The following CNTN5 variants were observed in gnomAD, a reference collection of about 807,000 sequenced individuals.
CNTN5 encodes the protein contactin-5.
A neutral mutation model predicts 129.1 loss-of-function variants in CNTN5; 77 were observed. The ratio of observed to expected loss-of-function variants is 0.60; its 90% confidence interval spans 0.50 to 0.72. The LOEUF is 0.72. Ranked by LOEUF, CNTN5 falls within the 30% of genes least tolerant of loss-of-function variation. The probability of loss-of-function intolerance (pLI) is 0.00; values close to 1 mark genes in which losing one functional copy is unlikely to be tolerated. For missense variants in CNTN5, 1,478 were observed against 1,328.8 expected, an observed-to-expected ratio of 1.11 and a Z score of -1.75; for synonymous variants, 509 against 465.6, an observed-to-expected ratio of 1.09 and a Z score of -1.20.
Position 99,429,947 on chromosome 11 carries a change from T to C in CNTN5, c.-71+104463T>C, listed in dbSNP as rs550670569. On this transcript the variant is annotated intron_variant, in intron 2 of 24. Coordinates refer to ENST00000524871, the MANE Select transcript of CNTN5 (RefSeq NM_014361.4). ...CAGACCATGGTAAAAAAAAAAGTTA[T>C]CATCATGCAAAATAATATTTGATAC... Among the ~76,000 whole-genome samples the C allele has an allele frequency of 1.2e-3, 183 of 151,818 alleles. No individual in the cohort carries two copies. The Middle Eastern group carries it at 0.041, about 34-fold the overall frequency.
At chr11:100,127,194 C>A (rs972521228) in intron 13 of CNTN5, among the ~76,000 whole-genome samples, 2 of 150,464 alleles carry the variant, frequency 1.3e-5, no homozygotes, top group Admixed American at 1.3e-4. Flanking sequence ...CTCACGTTGG[C>A]CTCCCAAAGT....
At chr11:100,023,228 A>G (rs1941253529) in intron 9 of CNTN5, among the ~76,000 whole-genome samples, 2 of 152,110 alleles carry the variant, frequency 1.3e-5, no homozygotes, top group Non-Finnish European at 2.9e-5. Context: ...GATAGATTCT[A>G]TTGCTGTATC....
chr11:100,180,193 T>C (rs1385162308), intron 13 of CNTN5, among the ~76,000 whole-genome samples: 1 of 152,026 alleles, frequency 6.6e-6, no homozygotes, highest in Admixed American at 6.6e-5. Flanking sequence ...GTGAAATGAA[T>C]TATTTTTCCC....
intron 10 of CNTN5, among the ~76,000 whole-genome samples, chr11:100,068,120 C>T (rs1018632825): frequency 1.3e-5 from 2 of 152,090 alleles, no homozygotes; most frequent in Admixed American, 1.3e-4. Flanking sequence ...ATAAGTCTAA[C>T]AAATACAATC....
At chr11:100,339,050 C>T (rs11823086) in intron 21 of CNTN5, among the ~76,000 whole-genome samples, 1,582 of 149,926 alleles carry the variant, frequency 0.011, 24 homozygotes, top group African/African-American at 0.037. Flanking sequence ...GCAGGGCCTG[C>T]GGCAGTGCCC....
At chr11:100,136,257 T>C (rs1946521348) in intron 13 of CNTN5, among the ~76,000 whole-genome samples, 1 of 77,430 alleles carries the variant, frequency 1.3e-5, no homozygotes. Context: ...GCTGGCTATT[T>C]CAATCTTCTG....
At chr11:99,623,422 G>T (rs1339414985) in intron 3 of CNTN5, among the ~76,000 whole-genome samples, 1 of 152,070 alleles carries the variant, frequency 6.6e-6, no homozygotes, top group African/African-American at 2.4e-5. Flanking sequence ...CCAGTAGGAT[G>T]GCACTGATAG....
chr11:99,956,922 G>A lies in CNTN5; in HGVS notation c.790G>A (p.Val264Ile), dbSNP rs752639831. 3.7e-6 allele frequency: 6 copies of A among 1,613,908 alleles called. No homozygotes were observed. The highest frequency in any genetic ancestry group is 4.2e-6 in the Non-Finnish European group (5 of 1,179,828). Residue 264 changes from valine to isoleucine, a missense_variant, in exon 8 of 25, where the codon GTT becomes ATT. Physicochemically the swap from Val to Ile is conservative, Grantham distance 29. Coordinates refer to ENST00000524871, the MANE Select transcript of CNTN5 (RefSeq NM_014361.4). ...TATTTCTAAAGTCCAAACATCAGATGTTGGCAGCTATATTTGTCTGGTGAA... is the reference window on the plus strand; with the variant it reads ...TATTTCTAAAGTCCAAACATCAGATATTGGCAGCTATATTTGTCTGGTGAA... ...LYISKVQTSD[V>I]GSYICLVKNT...
At chr11:100,032,090 C>T (rs1941742908) in intron 9 of CNTN5, among the ~76,000 whole-genome samples, 3 of 152,180 alleles carry the variant, frequency 2.0e-5, no homozygotes, top group South Asian at 4.1e-4. Context: ...TAACCATATA[C>T]TCTATTCAAC....
At chr11:100,251,544 T>C (rs1291272447) in intron 16 of CNTN5, among the ~76,000 whole-genome samples, 1 of 152,130 alleles carries the variant, frequency 6.6e-6, no homozygotes, top group African/African-American at 2.4e-5. Flanking sequence ...TACTTTTGTA[T>C]CCTTTAACAA....
Position 100,074,196 on chromosome 11 carries a change from C to T in CNTN5, c.1482C>T (p.Thr494=), listed in dbSNP as rs1373670546. ...LNQLKKTIIV[T]KDQEVVIECK... is the part of the protein sequence containing the mutation. Reference sequence around the variant, plus strand: ...AACTGAAGAAAACAATAATTGTTACCAAAGACCAAGAAGTTGTCATAGAGT... The same window carrying T: ...AACTGAAGAAAACAATAATTGTTACTAAAGACCAAGAAGTTGTCATAGAGT... The change falls in exon 13 of 25, where the codon ACC becomes ACT. Residue 494 remains threonine (T), a synonymous_variant. Coordinates refer to ENST00000524871, the MANE Select transcript of CNTN5 (RefSeq NM_014361.4). 1 of 1,612,416 alleles carries T rather than the reference C, an allele frequency of 6.2e-7. No individual in the cohort carries two copies. The highest frequency in any genetic ancestry group is 1.1e-5 in the South Asian group (1 of 90,916).
Position 99,844,942 on chromosome 11 carries a change from G to C in CNTN5, c.368G>C (p.Cys123Ser). ...GATGAAAAGAAGGTAGCATTGAATT[G>C]TGAAGTTCGTGGCAATCCAGTTCCC... Reference protein sequence around the residue: ...DSDEKKVALNCEVRGNPVPSY... With the variant: ...DSDEKKVALNSEVRGNPVPSY... The change falls in exon 5 of 25, where the codon TGT becomes TCT. Residue 123 changes from cysteine (C) to serine (S), a missense_variant. Cys to Ser is a moderately radical substitution (Grantham distance 112). Transcript: ENST00000524871. The C allele has an allele frequency of 6.2e-7, 1 of 1,613,772 alleles. No individual in the cohort carries two copies. Among genetic ancestry groups the C allele is most frequent in the Non-Finnish European group, 8.5e-7 (1 of 1,179,794 alleles).
At chr11:99,749,295 GA>G (rs1214730497) in intron 3 of CNTN5, among the ~76,000 whole-genome samples, 1 of 151,902 alleles carries the variant, frequency 6.6e-6, no homozygotes, top group East Asian at 1.9e-4. Context: ...AAAGAATGGG[GA>G]AAAAAGATGT....
intron 2 of CNTN5, among the ~76,000 whole-genome samples, chr11:99,458,681 C>T (rs1271246803): frequency 6.6e-6 from 1 of 151,944 alleles, no homozygotes; most frequent in African/African-American, 2.4e-5. Flanking sequence ...AATGCCCATA[C>T]TTGAGTTTGA....
chr11:100,048,356 T>C (rs1054373457), intron 9 of CNTN5, among the ~76,000 whole-genome samples: 3 of 152,140 alleles, frequency 2.0e-5, no homozygotes, highest in Non-Finnish European at 4.4e-5. Flanking sequence ...AAAGCTTTCC[T>C]GGTTCTTCAG....
intron 2 of CNTN5, among the ~76,000 whole-genome samples, chr11:99,509,148 C>T (rs1168232261): frequency 6.6e-6 from 1 of 152,038 alleles, no homozygotes; most frequent in African/African-American, 2.4e-5. Context: ...TGTACTATAC[C>T]TATGAAAGGG....
chr11:99,066,142 C>T (rs1200541959), intron 1 of CNTN5, among the ~76,000 whole-genome samples: 3 of 152,128 alleles, frequency 2.0e-5, no homozygotes, highest in African/African-American at 4.8e-5. Context: ...CTTCCTCTGT[C>T]GCCCAGGCTG....
At chr11:99,624,244 A>G (rs916505785) in intron 3 of CNTN5, among the ~76,000 whole-genome samples, 1 of 142,706 alleles carries the variant, frequency 7.0e-6, no homozygotes, top group East Asian at 2.0e-4. Context: ...TACCTTATCT[A>G]TATAATAGTT....
At chr11:99,969,180 CA>C (rs1951181349) in intron 8 of CNTN5, among the ~76,000 whole-genome samples, 2 of 152,010 alleles carry the variant, frequency 1.3e-5, no homozygotes, top group Admixed American at 1.3e-4. Flanking sequence ...TGAACTCTCT[CA>C]ATTTGTCTTG....
Sources: allele counts gnomAD v4.1 joint callset (sites outside exome capture counted in the v4.1 genomes callset), GRCh38; gene constraint gnomAD v4.1.1; transcripts MANE v1.5; gene names NCBI Gene and HGNC (gene_info 2026-07-23, HGNC 2026-07-21).